The following NETO1 variants were observed in gnomAD, a reference collection of about 807,000 sequenced individuals.
The protein encoded by NETO1 is neuropilin and tolloid like 1.
In NETO1, 26 loss-of-function variants were observed where a neutral mutation model predicts 61.3. That is an observed-to-expected ratio of 0.42 (90% confidence interval 0.31 to 0.59). The LOEUF (loss-of-function observed/expected upper bound fraction) is 0.59. Among genes scored for constraint, NETO1 ranks in the 20% least tolerant of loss-of-function variants. The pLI is 0.12. For missense variants in NETO1, 531 were observed against 662.8 expected (o/e 0.80, Z 2.18); for synonymous variants, 225 against 225.8 (o/e 1.00, Z 0.03).
At chr18:72,757,301 C>G (rs1041677187) in intron 7 of NETO1, among the ~76,000 whole-genome samples, 1 of 151,994 alleles carries the variant, frequency 6.6e-6, no homozygotes, top group Non-Finnish European at 1.5e-5. Flanking sequence ...AGCTTCTTTA[C>G]TATATTTGCT....
chr18:72,865,037 A>C, intron 2 of NETO1, 92 bp from the exon 3 acceptor site: 1 of 1,452,942 alleles, frequency 6.9e-7, no homozygotes. Flanking sequence ...ATCCATTAGT[A>C]AATTAATTTT....
intron 9 of NETO1, 58 bp downstream of exon 9, chr18:72,750,004 C>G (rs755051868): frequency 1.1e-4 from 132 of 1,239,032 alleles, no homozygotes; most frequent in Non-Finnish European, 1.5e-4. Context: ...AGACAATACT[C>G]TGGAAGTATT....
chr18:72,769,754 T>G (rs944809915), intron 7 of NETO1, among the ~76,000 whole-genome samples: 2 of 152,150 alleles, frequency 1.3e-5, no homozygotes, highest in Non-Finnish European at 2.9e-5. Context: ...ACGTGTTCGC[T>G]ACTTGCTTCT....
chr18:72,840,739 G>C (rs1300117887), intron 4 of NETO1, among the ~76,000 whole-genome samples: 1 of 152,138 alleles, frequency 6.6e-6, no homozygotes, highest in Non-Finnish European at 1.5e-5. Context: ...TTTAAAGTAA[G>C]GTGAAGTAGG....
At chr18:72,863,799 C>T (rs1299845091) in intron 3 of NETO1, among the ~76,000 whole-genome samples, 1 of 152,004 alleles carries the variant, frequency 6.6e-6, no homozygotes, top group African/African-American at 2.4e-5. Flanking sequence ...GACAGTCTTG[C>T]CTGTGTGTGT....
chr18:72,845,823 C>A (rs2145523800), intron 4 of NETO1, among the ~76,000 whole-genome samples: 1 of 152,036 alleles, frequency 6.6e-6, no homozygotes, highest in Non-Finnish European at 1.5e-5. Flanking sequence ...TGTTTATAAT[C>A]ATATTGTCTT....
At chr18:72,811,699 G>A (rs1234894287) in intron 4 of NETO1, among the ~76,000 whole-genome samples, 2 of 152,110 alleles carry the variant, frequency 1.3e-5, no homozygotes, top group Middle Eastern at 3.2e-3. Flanking sequence ...CAGCTACTTG[G>A]GAAGCTAAGG....
intron 4 of NETO1, among the ~76,000 whole-genome samples, chr18:72,852,515 G>T (rs1048923246): frequency 2.0e-5 from 3 of 151,988 alleles, no homozygotes; most frequent in Admixed American, 6.6e-5. Context: ...GTGCCCGGCC[G>T]GAAGACACTC....
At chr18:72,777,468 G>A (rs943587047) in intron 7 of NETO1, among the ~76,000 whole-genome samples, 1 of 145,414 alleles carries the variant, frequency 6.9e-6, no homozygotes, top group African/African-American at 2.6e-5. Context: ...AAGGCCGGGC[G>A]CGGTGGCTCA....
At chr18:72,846,405 T>G (rs1302009312) in intron 4 of NETO1, among the ~76,000 whole-genome samples, 1 of 145,962 alleles carries the variant, frequency 6.9e-6, no homozygotes, top group Non-Finnish European at 1.5e-5. Flanking sequence ...CTGGGGAGGC[T>G]GAGGCAGGAG....
chr18:72,844,363 C>G (rs1490021950), intron 4 of NETO1, among the ~76,000 whole-genome samples: 1 of 152,156 alleles, frequency 6.6e-6, no homozygotes, highest in Non-Finnish European at 1.5e-5. Flanking sequence ...TCTCTCTGCT[C>G]AATCATCCAC....
Position 72,781,824 on chromosome 18 carries a change from G to T in NETO1, c.868+1854C>A, listed in dbSNP as rs1232269239. ...AATGCATAGTTGTGAAATACAAGGT[G>T]CTTATTTCTTTTCATTTAAAGTTGT... is the stretch of plus-strand genomic sequence containing the variant. On this transcript the variant is annotated intron_variant, in intron 7 of 10. Transcript: ENST00000327305. 2.0e-5 allele frequency among the ~76,000 whole-genome samples: 3 copies of T among 151,950 alleles called. No homozygotes were observed. In the East Asian group the frequency reaches 5.8e-4, roughly 29 times the overall value.
chr18:72,793,609 C>A (rs541984504), intron 6 of NETO1, among the ~76,000 whole-genome samples: 1 of 152,272 alleles, frequency 6.6e-6, no homozygotes, highest in African/African-American at 2.4e-5. Context: ...GCTTCATGGG[C>A]AGCTAACTCA....
chr18:72,862,874 C>T (rs1430768838), intron 3 of NETO1, among the ~76,000 whole-genome samples: 2 of 152,114 alleles, frequency 1.3e-5, no homozygotes, highest in East Asian at 1.9e-4. Flanking sequence ...CCCACATCGG[C>T]CTCCTAAAGT....
At chr18:72,768,176 T>C (rs1158546336) in intron 7 of NETO1, among the ~76,000 whole-genome samples, 1 of 152,230 alleles carries the variant, frequency 6.6e-6, no homozygotes, top group Non-Finnish European at 1.5e-5. Flanking sequence ...TCTTTTATTT[T>C]AAAATTTCAA....
intron 4 of NETO1, among the ~76,000 whole-genome samples, chr18:72,828,199 TA>T (rs1200276545): frequency 6.6e-6 from 1 of 152,050 alleles, no homozygotes; most frequent in African/African-American, 2.4e-5. Flanking sequence ...TAATCTTAGC[TA>T]CTCGGGAAGC....
intron 3 of NETO1, among the ~76,000 whole-genome samples, chr18:72,859,800 C>A (rs1383161758): frequency 1.3e-5 from 2 of 152,144 alleles, no homozygotes; most frequent in African/African-American, 4.8e-5. Context: ...CCAACATTAT[C>A]TCCTCTTTAC....
chr18:72,750,317 T>C lies in NETO1; in HGVS notation c.1286A>G (p.His429Arg), dbSNP rs773161354. The C allele has an allele frequency of 3.7e-6, 6 of 1,614,090 alleles. No homozygotes were observed. Among genetic ancestry groups the C allele is most frequent in the South Asian group, 1.1e-5 (1 of 91,074 alleles). The part of the protein sequence containing the change: ...KLRRSSSKCI[H>R]DHHCGSQLSS... ...CAGCTGTGATCCACAGTGATGGTCA[T>C]GAATGCATTTGGAAGATGACCTCCG... Residue 429 changes from histidine to arginine, a missense_variant, in exon 9 of 11, where the codon CAT becomes CGT. By Grantham distance (29) the His-to-Arg change is conservative. Coordinates refer to ENST00000327305, the MANE Select transcript of NETO1 (RefSeq NM_138966.5).
chr18:72,771,772 A>G (rs576703378), intron 7 of NETO1, among the ~76,000 whole-genome samples: 2 of 152,276 alleles, frequency 1.3e-5, no homozygotes, highest in African/African-American at 2.4e-5. Context: ...TAAAATTGAT[A>G]TTTGGATCAT....
Sources: gnomAD v4.1 joint callset for allele counts (sites outside exome capture counted in the v4.1 genomes callset) on GRCh38, gnomAD v4.1.1 for gene constraint, MANE v1.5 for transcripts, NCBI Gene and HGNC (gene_info 2026-07-23, HGNC 2026-07-21) for gene names.